CRACD: variants seen among roughly 807,000 people sequenced by gnomAD.
CRACD encodes capping protein inhibiting regulator of actin dynamics, also known as capping protein-inhibiting regulator of actin dynamics.
CRACD carries 56 observed loss-of-function variants against 106.8 expected under a neutral mutation model. That is an observed-to-expected ratio of 0.52 (90% CI 0.42 to 0.66). The LOEUF is 0.66. CRACD is among the 30% of genes least tolerant of loss of function. The pLI, the probability that CRACD is intolerant of heterozygous loss-of-function variation, is 0.00. For missense variants in CRACD, 1,730 were observed against 1,623.2 expected (o/e 1.07, Z -1.13); for synonymous variants, 754 against 670.8 (o/e 1.12, Z -1.92).
intron 1 of CRACD, among the ~76,000 whole-genome samples, chr4:56,070,460 C>T (rs1732605591): frequency 6.6e-6 from 1 of 152,152 alleles, no homozygotes; most frequent in African/African-American, 2.4e-5. Flanking sequence ...CCATCGCATC[C>T]GGCTAATTTT....
chr4:56,134,224 A>T (rs1445841884), intron 1 of CRACD, among the ~76,000 whole-genome samples: 2 of 151,772 alleles, frequency 1.3e-5, no homozygotes, highest in African/African-American at 4.8e-5. Context: ...AAAGAAATCG[A>T]CTCAGAAGGG....
chr4:56,171,764 C>T (rs1736374349), intron 1 of CRACD, among the ~76,000 whole-genome samples: 1 of 152,092 alleles, frequency 6.6e-6, no homozygotes, highest in Non-Finnish European at 1.5e-5. Flanking sequence ...ATTATAAGAT[C>T]TAGGGGCGGT....
intron 2 of CRACD, among the ~76,000 whole-genome samples, chr4:56,206,932 T>C (rs1467288296): frequency 6.6e-6 from 1 of 152,202 alleles, no homozygotes; most frequent in East Asian, 1.9e-4. Flanking sequence ...ATTCTGGAGA[T>C]GGCTACATGC....
At chr4:56,213,834 A>G (rs971935181) in intron 2 of CRACD, among the ~76,000 whole-genome samples, 1 of 152,246 alleles carries the variant, frequency 6.6e-6, no homozygotes, top group East Asian at 1.9e-4. Flanking sequence ...ACTATGGAGA[A>G]ACCTTTTGGC....
chr4:56,273,345 GTCCC>G (rs1419205409), intron 3 of CRACD, among the ~76,000 whole-genome samples: 1 of 134,086 alleles, frequency 7.5e-6, no homozygotes, highest in African/African-American at 2.8e-5. Flanking sequence ...CCCTCCCTAC[GTCCC>G]TCCCTCCCTC....
chr4:56,315,242 A>C lies in CRACD; in HGVS notation c.1740A>C (p.Pro580=), dbSNP rs1323014184. The C allele has an allele frequency of 6.2e-7, 1 of 1,601,998 alleles. No individual in the cohort carries two copies. The highest frequency in any genetic ancestry group is 1.3e-5 in the African/African-American group (1 of 74,796). ...PQEPKAPKAS[P]VQHALPSSLS... Reference sequence around the variant, plus strand: ...AACCAAAGGCCCCCAAAGCCAGCCCAGTCCAGCACGCCCTACCGTCGTCCC... The same window carrying C: ...AACCAAAGGCCCCCAAAGCCAGCCCCGTCCAGCACGCCCTACCGTCGTCCC... Residue 580 remains proline (P), a synonymous_variant, in exon 8 of 11, where the codon CCA becomes CCC. Transcript: ENST00000682029. The surrounding 1 kb of genome is among the most constrained non-coding windows in gnomAD (Gnocchi z 4.1).
chr4:56,204,288 G>A lies in CRACD; in HGVS notation c.-189+24858G>A, dbSNP rs113537446. 1.2e-4 allele frequency among the ~76,000 whole-genome samples: 19 copies of A among 152,294 alleles called. 1 individual carries two copies. Among genetic ancestry groups the A allele is most frequent in the African/African-American group, 4.6e-4 (19 of 41,566 alleles). ...CCATTCCAAGTTGGTGGGTGTCTTG[G>A]TCCATCTTGTGCTGCTATAACAGAA... On this transcript the variant is annotated intron_variant, in intron 2 of 10. Transcript: ENST00000682029.
At chr4:56,076,255 T>C (rs1314933041) in intron 1 of CRACD, among the ~76,000 whole-genome samples, 1 of 152,182 alleles carries the variant, frequency 6.6e-6, no homozygotes, top group South Asian at 2.1e-4. Flanking sequence ...GGCACCTTGA[T>C]CTCAGACTGT....
chr4:56,089,607 G>A (rs1186216677), intron 1 of CRACD, among the ~76,000 whole-genome samples: 10 of 149,518 alleles, frequency 6.7e-5, no homozygotes, highest in African/African-American at 2.2e-4. Context: ...TCCGCCTCCC[G>A]GGTTCAAGCG....
chr4:56,144,246 G>A (rs1474587551), intron 1 of CRACD, among the ~76,000 whole-genome samples: 11 of 152,156 alleles, frequency 7.2e-5, no homozygotes, highest in Admixed American at 7.2e-4. Flanking sequence ...CCAGAGACCA[G>A]AACTTCCAGC....
intron 2 of CRACD, among the ~76,000 whole-genome samples, chr4:56,185,475 T>C (rs1459212925): frequency 2.0e-5 from 3 of 152,234 alleles, no homozygotes; most frequent in Admixed American, 6.5e-5. Context: ...CTGTGATGTT[T>C]TGTGACTGGT....
rs1382131092 is a variant in CRACD, at chr4:56,057,834, T to TAA, written c.-336+8535_-336+8536insAA. On this transcript the variant is annotated intron_variant, in intron 1 of 10. Transcript: ENST00000682029. ...TTTTTGTTTTTTTTTTTTTTTTTTT[T>TAA]TTGAGACGGAGTCTCGCTCTGTCGC... is the stretch of plus-strand genomic sequence containing the variant. Among the ~76,000 whole-genome samples, 479 of 63,704 alleles carry TAA rather than the reference T, an allele frequency of 7.5e-3. 17 individuals are homozygous for TAA. The highest frequency in any genetic ancestry group is 0.019 in the African/African-American group (146 of 7,724). 41.8% of individuals were successfully genotyped at this position (63,704 alleles called of 152,430 possible).
chr4:56,104,705 C>T (rs767593897), intron 1 of CRACD, among the ~76,000 whole-genome samples: 4 of 152,244 alleles, frequency 2.6e-5, no homozygotes, highest in East Asian at 3.9e-4. Context: ...CCGTGGCTCA[C>T]GCCTGTAATC....
At chr4:56,310,798 C>A (rs1232205297) in intron 6 of CRACD, 64 bp downstream of exon 6, 7 of 804,728 alleles carry the variant, frequency 8.7e-6, no homozygotes, top group Non-Finnish European at 1.1e-5. Context: ...TTCCCCCCCC[C>A]TTTTTTTTTT....
intron 2 of CRACD, among the ~76,000 whole-genome samples, chr4:56,252,053 T>A (rs1741084884): frequency 6.6e-6 from 1 of 152,190 alleles, no homozygotes; most frequent in South Asian, 2.1e-4. Flanking sequence ...TTTTACTCTA[T>A]TATCTTCTTT....
intron 1 of CRACD, among the ~76,000 whole-genome samples, chr4:56,063,425 C>G (rs1275645147): frequency 6.6e-6 from 1 of 152,118 alleles, no homozygotes; most frequent in Non-Finnish European, 1.5e-5. Flanking sequence ...TTTAAGTGGA[C>G]AGTTCATTGG....
At chr4:56,050,001 C>T (rs1731815994) in intron 1 of CRACD, 1 of 151,618 alleles carries the variant, frequency 6.6e-6, no homozygotes. Context: ...ACCTCCTAAC[C>T]CTACGGATAC....
chr4:56,326,959 C>T (rs189073628), intron 10 of CRACD, among the ~76,000 whole-genome samples: 59 of 152,124 alleles, frequency 3.9e-4, no homozygotes, highest in Admixed American at 2.2e-3. Flanking sequence ...AGGCTGGTCT[C>T]GAACTCCTGA....
At chr4:56,112,049 T>C (rs967663907) in intron 1 of CRACD, among the ~76,000 whole-genome samples, 1 of 152,228 alleles carries the variant, frequency 6.6e-6, no homozygotes, top group African/African-American at 2.4e-5. Flanking sequence ...AAATTGCACC[T>C]AAACAATACT....
Sources: gnomAD v4.1 joint callset for allele counts (sites outside exome capture counted in the v4.1 genomes callset) on GRCh38, gnomAD v4.1.1 for gene constraint, Gnocchi (gnomAD v3.1) non-coding constraint, MANE v1.5 for transcripts, NCBI Gene and HGNC (gene_info 2026-07-23, HGNC 2026-07-21) for gene names.